The following ABR variants were observed in gnomAD, a reference collection of about 807,000 sequenced individuals.
ABR encodes active breakpoint cluster region-related protein.
Under a neutral mutation model 107.2 loss-of-function variants are expected in ABR, and 35 were observed. That is an observed-to-expected ratio of 0.33 (90% CI 0.25 to 0.43). The LOEUF is 0.43. ABR is among the 20% of genes least tolerant of loss of function. The probability of loss-of-function intolerance (pLI) is 1.00; values close to 1 mark genes in which losing one functional copy is unlikely to be tolerated. For synonymous variants in ABR, 498 were observed against 462.0 expected (o/e 1.08, Z -1.00); for missense variants, 815 against 1,115.2 (o/e 0.73, Z 3.83).
intron 4 of ABR, among the ~76,000 whole-genome samples, chr17:1,090,241 G>A (rs1022114233): frequency 4.6e-5 from 7 of 152,206 alleles, no homozygotes; most frequent in Admixed American, 3.3e-4. Flanking sequence ...ACAGAGGTGC[G>A]GGGAGGAAGC....
Position 1,095,779 on chromosome 17 carries a change from G to T in ABR, c.346-3929C>A, listed in dbSNP as rs142766946. On this transcript the variant is annotated intron_variant, in intron 3 of 22. Coordinates refer to ENST00000302538, the MANE Select transcript of ABR (RefSeq NM_021962.5). ...TTGTCAGCTCTGTCCCCCAGCGACC[G>T]GCCTTTCGAAATAAGGGAAAGAAAT... Among the ~76,000 whole-genome samples, 435 of 152,314 alleles carry T rather than the reference G, an allele frequency of 2.9e-3. 1 individual carries two copies. Among genetic ancestry groups the T allele is most frequent in the African/African-American group, 9.5e-3 (393 of 41,574 alleles).
At chr17:1,152,322 G>C (rs1448563914) in intron 1 of ABR, among the ~76,000 whole-genome samples, 1 of 150,420 alleles carries the variant, frequency 6.6e-6, no homozygotes, top group East Asian at 2.0e-4. Flanking sequence ...TGGGCTGGTG[G>C]CTGATGCCTG....
At position 1,128,806 on chromosome 17, in the gene ABR, A is replaced by G. The variant is rs1009406118; in HGVS notation, c.62-3439T>C. 1.6e-4 allele frequency among the ~76,000 whole-genome samples: 20 copies of G among 128,328 alleles called. 1 individual carries two copies. The highest frequency in any genetic ancestry group is 6.4e-4 in the Admixed American group (8 of 12,570). The allele number at this position is 128,328 out of a possible 152,430, so 84.2% of individuals were successfully genotyped here. On this transcript the variant is annotated intron_variant, in intron 1 of 22. Transcript: ENST00000302538. ...CCTCGGGACGTTTTCACAAGCTGGG[A>G]GTCCAGGTCACTGAGGGCACAGTGG...
At chr17:1,188,678 T>A (rs2042367879), upstream of ABR, among the ~76,000 whole-genome samples, 1 of 152,208 alleles carries the variant, frequency 6.6e-6, no homozygotes, top group African/African-American at 2.4e-5. Flanking sequence ...CCAAGAGCGT[T>A]GAGAACTCTA....
At position 1,071,455 on chromosome 17, in the gene ABR, C is replaced by T. The variant is rs562169157; in HGVS notation, c.894+1159G>A. 6.6e-6 allele frequency among the ~76,000 whole-genome samples: 1 copy of T among 152,302 alleles called. No individual in the cohort carries two copies. Among genetic ancestry groups the T allele is most frequent in the East Asian group, 1.9e-4 (1 of 5,182 alleles). ...GGACAGGAAGCCTTTCACCCGGGCC[C>T]GGCTGCCAATCCACGAAGGCAACTG... is the stretch of plus-strand genomic sequence containing the variant. On this transcript the variant is annotated intron_variant, in intron 8 of 22. Transcript: ENST00000302538. This position sits in a 1 kb window ranked among gnomAD's most constrained non-coding sequence, Gnocchi z 5.1.
chr17:1,121,671 CTGA>C (rs2039357778), intron 2 of ABR, among the ~76,000 whole-genome samples: 1 of 148,200 alleles, frequency 6.7e-6, no homozygotes, highest in African/African-American at 2.6e-5. Context: ...GGGATGGGAG[CTGA>C]GTCCCCCAGG....
chr17:1,170,417 A>G (rs948415718), intron 1 of ABR, among the ~76,000 whole-genome samples: 3 of 152,064 alleles, frequency 2.0e-5, no homozygotes, highest in Non-Finnish European at 4.4e-5. Context: ...CCTTGAATTA[A>G]TTAATTTAGT....
rs1314604359 is a variant in ABR at position 1,010,749 on chromosome 17, G to T, written c.2216C>A (p.Pro739Gln). ...PEPLLTDRLY[P>Q]AFMEGIALSD... The stretch of plus-strand genomic sequence containing the variant: ...CTCACCGATGCCCTCCATGAAGGCT[G>T]GGTAGAGTCGGTCCGTGAGGAGCGG... The change falls in exon 20 of 23, where the codon CCA (proline) becomes CAA (glutamine). Residue 739 changes from proline (P) to glutamine (Q), a missense_variant. By Grantham distance (76) the Pro-to-Gln change is moderately conservative. Around this residue, in one of 5 missense-constraint regions of ABR, gnomAD observed 175 missense variants for 284.3 expected, o/e 0.62. Transcript: ENST00000302538. This position sits in a 1 kb window ranked among gnomAD's most constrained non-coding sequence, Gnocchi z 4.1. The T allele has an allele frequency of 1.9e-6, 3 of 1,613,762 alleles. No homozygotes were observed. In the Admixed American group the frequency reaches 5.0e-5, roughly 27 times the overall value.
intron 2 of ABR, among the ~76,000 whole-genome samples, chr17:1,101,536 C>T (rs1266643897): frequency 1.3e-5 from 2 of 152,066 alleles, no homozygotes; most frequent in Admixed American, 6.6e-5. Context: ...CCACCTTGCC[C>T]GATGCTTGCC....
intron 1 of ABR, among the ~76,000 whole-genome samples, chr17:1,161,418 A>T (rs942344179): frequency 2.0e-5 from 3 of 151,318 alleles, no homozygotes; most frequent in Non-Finnish European, 2.9e-5. Context: ...ATTTTTTAAA[A>T]TTTTTTTTGT....
Position 1,058,796 on chromosome 17 carries a change from C to A in ABR, c.1254G>T (p.Leu418=). The A allele has an allele frequency of 6.2e-7, 1 of 1,614,126 alleles. No individual in the cohort carries two copies. The highest frequency in any genetic ancestry group is 8.5e-7 in the Non-Finnish European group (1 of 1,180,028). The change falls in exon 11 of 23, where the codon CTG becomes CTT. Residue 418 remains leucine, a synonymous_variant. Coordinates refer to ENST00000302538, the MANE Select transcript of ABR (RefSeq NM_021962.5). ...ACGGGATTGTGGGGGAGTTGAGCAG[C>A]AGCAGGAACTCATTCTCAAACATCT... ...KKKMFENEFL[L]LLNSPTIPFR... is the part of the protein sequence containing the mutation.
chr17:1,178,788 G>A (rs1177505831), intron 1 of ABR, among the ~76,000 whole-genome samples: 1 of 151,168 alleles, frequency 6.6e-6, no homozygotes, highest in East Asian at 2.0e-4. Context: ...TTCGGGAAAG[G>A]TGTCTCAGGG....
chr17:1,046,982 C>G (rs566202914), intron 16 of ABR, among the ~76,000 whole-genome samples: 72 of 152,340 alleles, frequency 4.7e-4, no homozygotes, highest in Non-Finnish European at 9.4e-4. Context: ...TCCCCCACCC[C>G]ACCCCGCCGC....
At position 1,006,135 on chromosome 17, in the gene ABR, G is replaced by C. The variant is rs769136114; in HGVS notation, c.2525C>G (p.Pro842Arg). The part of the protein sequence containing the change: ...QVLLYYLQHP[P>R]ISFAELKRNT... ...CCGCTTGAGTTCTGCGAAGGAAATG[G>C]GGGGGTGCTGCAGGTAGTAGAGGAG... Residue 842 changes from proline to arginine, a missense_variant, in exon 23 of 23, where the codon CCC becomes CGC. Physicochemically the swap from Pro to Arg is moderately radical, Grantham distance 103. Transcript: ENST00000302538. 1.3e-6 allele frequency: 2 copies of C among 1,587,876 alleles called. No homozygotes were observed.
chr17:1,172,464 T>A (rs968034381), intron 1 of ABR, among the ~76,000 whole-genome samples: 1 of 152,102 alleles, frequency 6.6e-6, no homozygotes, highest in Non-Finnish European at 1.5e-5. Context: ...TGCAAGCTAC[T>A]CCTGGGCCGG....
intron 16 of ABR, among the ~76,000 whole-genome samples, chr17:1,014,835 G>C (rs2071013768): frequency 6.6e-6 from 1 of 152,048 alleles, no homozygotes; most frequent in Non-Finnish European, 1.5e-5. Flanking sequence ...GACAGAGTGA[G>C]ACTCCGTCTC....
At chr17:1,172,453 A>C (rs1055859139) in intron 1 of ABR, among the ~76,000 whole-genome samples, 6 of 152,186 alleles carry the variant, frequency 3.9e-5, no homozygotes, top group African/African-American at 9.7e-5. Flanking sequence ...GCCCTAAGAA[A>C]TGCAAGCTAC....
At chr17:1,029,347 C>T (rs892773975) in intron 16 of ABR, among the ~76,000 whole-genome samples, 7 of 152,110 alleles carry the variant, frequency 4.6e-5, no homozygotes, top group Middle Eastern at 3.2e-3. Context: ...CCGTGAGTGT[C>T]CCTGCCTCCT....
rs371049195 is a variant in ABR at position 1,049,228 on chromosome 17, C to T, written c.1791+822G>A. ...ACACGGTCTGACTCCATCACCCAGG[C>T]GCGATCTCAGCTCACTGCAACCTCT... On this transcript the variant is annotated intron_variant, in intron 16 of 22. Coordinates refer to ENST00000302538, the MANE Select transcript of ABR (RefSeq NM_021962.5). Among the ~76,000 whole-genome samples, 14 of 152,056 alleles carry T rather than the reference C, an allele frequency of 9.2e-5. No homozygotes were observed. The East Asian group carries it at 1.2e-3, about 13-fold the overall frequency.
Sources: allele counts gnomAD v4.1 joint callset (sites outside exome capture counted in the v4.1 genomes callset), GRCh38; gene constraint gnomAD v4.1.1; regional missense constraint gnomAD v4.1.1; non-coding constraint Gnocchi (gnomAD v3.1); transcripts MANE v1.5; gene names NCBI Gene and HGNC (gene_info 2026-07-23, HGNC 2026-07-21).